Variants in PRKN observed in about 807,000 individuals in gnomAD.
The protein encoded by PRKN is E3 ubiquitin-protein ligase parkin.
PRKN carries 56 observed loss-of-function variants against 59.5 expected under a neutral mutation model. That is an observed-to-expected ratio of 0.94 (90% confidence interval 0.76 to 1.18). The LOEUF (loss-of-function observed/expected upper bound fraction) is 1.18. Ranked by LOEUF, PRKN falls within the 50% of genes most tolerant of loss-of-function variation. PRKN has a pLI of 0.00. For synonymous variants in PRKN, 250 were observed against 222.1 expected, an observed-to-expected ratio of 1.13 and a Z score of -1.12; for missense variants, 657 against 596.4, an observed-to-expected ratio of 1.10 and a Z score of -1.06.
intron 3 of PRKN, among the ~76,000 whole-genome samples, chr6:162,231,385 C>A (rs1259689363): frequency 5.3e-5 from 8 of 152,166 alleles, no homozygotes; most frequent in Non-Finnish European, 2.9e-5. Context: ...TTCAGTTATG[C>A]CTAAATAGAT....
At chr6:162,389,628 A>C (rs886242635) in intron 2 of PRKN, among the ~76,000 whole-genome samples, 1 of 152,180 alleles carries the variant, frequency 6.6e-6, no homozygotes, top group African/African-American at 2.4e-5. Flanking sequence ...TACTTGGCAA[A>C]AGCATGTTAA....
intron 6 of PRKN, among the ~76,000 whole-genome samples, chr6:161,844,810 G>A (rs180827824): frequency 6.6e-6 from 1 of 152,354 alleles, no homozygotes; most frequent in Non-Finnish European, 1.5e-5. Context: ...CTTCGCTTCA[G>A]GCCTGCCTGC....
intron 5 of PRKN, among the ~76,000 whole-genome samples, chr6:162,025,463 C>T (rs893396250): frequency 1.3e-5 from 2 of 151,844 alleles, no homozygotes; most frequent in Non-Finnish European, 2.9e-5. Context: ...TATATACTGT[C>T]CAATTCATTC....
chr6:162,098,586 A>G (rs1583029051), intron 4 of PRKN, among the ~76,000 whole-genome samples: 1 of 152,168 alleles, frequency 6.6e-6, no homozygotes, highest in Non-Finnish European at 1.5e-5. Flanking sequence ...TTTGTAGTTT[A>G]CTGTGCTTAC....
chr6:162,137,301 A>C (rs1781593385), intron 4 of PRKN, among the ~76,000 whole-genome samples: 1 of 152,196 alleles, frequency 6.6e-6, no homozygotes, highest in Non-Finnish European at 1.5e-5. Context: ...CAGCTACTCA[A>C]ACTTTCTTGG....
At chr6:161,900,552 AT>A (rs1333826074) in intron 6 of PRKN, among the ~76,000 whole-genome samples, 1 of 87,090 alleles carries the variant, frequency 1.1e-5, no homozygotes, top group Non-Finnish European at 2.1e-5. Context: ...TAATATACAT[AT>A]TTTATATGTT....
rs192136222 is a variant in PRKN, at chr6:162,373,537, G to A, written c.171+69773C>T. ...TTCATAACTTATGAAGCTAAAATGT[G>A]CAATATTTTGACTGAGTGAATTAGG... On this transcript the variant is annotated intron_variant, in intron 2 of 11. Transcript: ENST00000366898. Among the ~76,000 whole-genome samples the A allele has an allele frequency of 1.4e-4, 21 of 152,152 alleles. 1 individual carries two copies. In the East Asian group the frequency reaches 4.1e-3, roughly 29 times the overall value.
chr6:162,547,482 C>T (rs1376236825), intron 1 of PRKN, among the ~76,000 whole-genome samples: 10 of 152,130 alleles, frequency 6.6e-5, no homozygotes, highest in African/African-American at 2.2e-4. Flanking sequence ...AAAAACCCGT[C>T]GATTGAAGTA....
At chr6:161,479,145 C>T (rs765432509) in intron 9 of PRKN, among the ~76,000 whole-genome samples, 5 of 152,160 alleles carry the variant, frequency 3.3e-5, no homozygotes, top group East Asian at 1.9e-4. Flanking sequence ...GGAACTAAAT[C>T]GTTCTGTATG....
chr6:162,661,327 T>C (rs1048074763), intron 1 of PRKN, among the ~76,000 whole-genome samples: 2 of 152,164 alleles, frequency 1.3e-5, no homozygotes, highest in East Asian at 3.9e-4. Flanking sequence ...CAAGTTGAGT[T>C]AGGAACTTAA....
intron 9 of PRKN, among the ~76,000 whole-genome samples, chr6:161,465,148 G>A (rs537297001): frequency 2.0e-5 from 3 of 152,278 alleles, no homozygotes; most frequent in Admixed American, 6.5e-5. Flanking sequence ...TCATACCGTC[G>A]AGACTGGCCC....
intron 2 of PRKN, among the ~76,000 whole-genome samples, chr6:162,303,344 A>G (rs529384343): frequency 7.2e-5 from 11 of 152,266 alleles, no homozygotes; most frequent in African/African-American, 2.6e-4. Flanking sequence ...CCAATTTGGC[A>G]ATACAAAAAC....
intron 7 of PRKN, among the ~76,000 whole-genome samples, chr6:161,785,072 A>G (rs1268586864): frequency 6.6e-6 from 1 of 152,226 alleles, no homozygotes; most frequent in East Asian, 1.9e-4. Flanking sequence ...TCCATAGAGA[A>G]AGAAAGTGAT....
intron 4 of PRKN, among the ~76,000 whole-genome samples, chr6:162,114,709 G>C (rs1780591334): frequency 6.7e-6 from 1 of 148,834 alleles, no homozygotes; most frequent in African/African-American, 2.5e-5. Context: ...CTTCTCAAAA[G>C]AAGACATTTA....
intron 5 of PRKN, among the ~76,000 whole-genome samples, chr6:162,021,461 A>ATATATATATTT (rs59250759): frequency 4.1e-5 from 1 of 24,648 alleles, no homozygotes; most frequent in African/African-American, 9.2e-5. Flanking sequence ...ATATATATAT[A>ATATATATATTT]TTTTTTTTTT....
chr6:162,422,087 T>C (rs1259620170), intron 2 of PRKN, among the ~76,000 whole-genome samples: 1 of 152,186 alleles, frequency 6.6e-6, no homozygotes, highest in Non-Finnish European at 1.5e-5. Flanking sequence ...TCTTTAGTCT[T>C]GTCCAGGAAA....
At chr6:161,555,923 A>G (rs1780221591) in intron 8 of PRKN, among the ~76,000 whole-genome samples, 1 of 152,248 alleles carries the variant, frequency 6.6e-6, no homozygotes, top group Admixed American at 6.5e-5. Flanking sequence ...TATTTTACCT[A>G]CAAAAATAAT....
At chr6:162,488,589 G>C (rs1376801163) in intron 1 of PRKN, among the ~76,000 whole-genome samples, 1 of 152,190 alleles carries the variant, frequency 6.6e-6, no homozygotes, top group African/African-American at 2.4e-5. Flanking sequence ...GGTGGGGTCA[G>C]ACAGCCACTG....
intron 5 of PRKN, among the ~76,000 whole-genome samples, chr6:162,048,867 A>C (rs1777500423): frequency 6.6e-6 from 1 of 152,196 alleles, no homozygotes; most frequent in Admixed American, 6.5e-5. Flanking sequence ...AGATCGACAC[A>C]GAATAACTAA....
Sources: allele counts gnomAD v4.1 joint callset (sites outside exome capture counted in the v4.1 genomes callset), GRCh38; gene constraint gnomAD v4.1.1; transcripts MANE v1.5; gene names NCBI Gene and HGNC (gene_info 2026-07-23, HGNC 2026-07-21).